Variants in LRRC7 observed in about 807,000 individuals in gnomAD.
LRRC7 encodes leucine-rich repeat-containing protein 7.
A neutral mutation model predicts 175.7 loss-of-function variants in LRRC7; 23 were observed. That is an observed-to-expected ratio of 0.13 (90% CI 0.09 to 0.19). The LOEUF (loss-of-function observed/expected upper bound fraction) is 0.19. Ranked by LOEUF, LRRC7 falls within the 10% of genes least tolerant of loss-of-function variation. The pLI, the probability that LRRC7 is intolerant of heterozygous loss-of-function variation, is 1.00. For missense variants in LRRC7, 1,354 were observed against 1,904.7 expected (o/e 0.71, Z 5.38); for synonymous variants, 685 against 680.9 (o/e 1.01, Z -0.09).
intron 10 of LRRC7, among the ~76,000 whole-genome samples, chr1:69,990,215 TTAAG>T (rs1450711962): frequency 6.6e-6 from 1 of 152,054 alleles, no homozygotes; most frequent in Non-Finnish European, 1.5e-5. Context: ...AGTAATTTAA[TTAAG>T]TAATTTAGTT....
At chr1:69,718,138 G>GAAAGAAAGAAAGAA (rs772161376) in intron 2 of LRRC7, among the ~76,000 whole-genome samples, 2,466 of 40,152 alleles carry the variant, frequency 0.061, 96 homozygotes, top group Middle Eastern at 0.093. Context: ...AAGAAAGAAA[G>GAAAGAAAGAAAGAA]AGAGAGAAAG....
At chr1:69,888,695 C>G (rs984477254) in intron 7 of LRRC7, among the ~76,000 whole-genome samples, 1 of 151,948 alleles carries the variant, frequency 6.6e-6, no homozygotes, top group Non-Finnish European at 1.5e-5. Flanking sequence ...AAAAATACTA[C>G]ATGATCTCAT....
At chr1:69,817,044 A>G (rs962348995) in intron 4 of LRRC7, among the ~76,000 whole-genome samples, 1 of 152,080 alleles carries the variant, frequency 6.6e-6, no homozygotes, top group Admixed American at 6.5e-5. Flanking sequence ...ATATGTGTAG[A>G]TAAGATATAC....
chr1:69,620,740 T>G (rs1650434140), intron 1 of LRRC7, among the ~76,000 whole-genome samples: 1 of 152,252 alleles, frequency 6.6e-6, no homozygotes, highest in Non-Finnish European at 1.5e-5. Context: ...TGTTCTCATC[T>G]TCTCCTATTC....
intron 3 of LRRC7, among the ~76,000 whole-genome samples, chr1:69,762,064 G>A (rs1013004381): frequency 2.6e-5 from 4 of 151,776 alleles, no homozygotes; most frequent in Non-Finnish European, 5.9e-5. Context: ...CCCAAATTTT[G>A]TATGGGATAC....
intron 7 of LRRC7, among the ~76,000 whole-genome samples, chr1:69,851,298 A>G (rs1369309405): frequency 6.6e-6 from 1 of 152,180 alleles, no homozygotes; most frequent in Non-Finnish European, 1.5e-5. Context: ...AATTTCTTCC[A>G]TTTTAACTGC....
chr1:69,576,858 G>A (rs569615697), intron 1 of LRRC7, among the ~76,000 whole-genome samples: 1 of 152,090 alleles, frequency 6.6e-6, no homozygotes, highest in Non-Finnish European at 1.5e-5. Context: ...AATGTCCTAA[G>A]TCTAGGTGTT....
intron 3 of LRRC7, among the ~76,000 whole-genome samples, chr1:69,787,836 A>C (rs941880316): frequency 6.6e-6 from 1 of 152,132 alleles, no homozygotes; most frequent in Non-Finnish European, 1.5e-5. Flanking sequence ...GGTCCCTCCC[A>C]CAATATGTGA....
At chr1:69,993,809 C>T (rs766910013) in intron 10 of LRRC7, among the ~76,000 whole-genome samples, 21 of 152,004 alleles carry the variant, frequency 1.4e-4, no homozygotes, top group Admixed American at 2.6e-4. Flanking sequence ...ACTATTTAAG[C>T]CATATCAATA....
chr1:69,924,769 T>C (rs1016980801), intron 7 of LRRC7, among the ~76,000 whole-genome samples: 4 of 152,232 alleles, frequency 2.6e-5, no homozygotes, highest in Non-Finnish European at 4.4e-5. Flanking sequence ...ACTTCCTCTT[T>C]TCCTAATTGG....
chr1:70,134,667 T>C lies in LRRC7; in HGVS notation c.*12780T>C, dbSNP rs1176252542. 1.3e-5 allele frequency among the ~76,000 whole-genome samples: 2 copies of C among 152,248 alleles called. No individual in the cohort carries two copies. On this transcript the variant is annotated 3_prime_UTR_variant, in exon 27 of 27. Coordinates refer to ENST00000651989, the MANE Select transcript of LRRC7 (RefSeq NM_001370785.2). The stretch of plus-strand genomic sequence containing the variant: ...TTCTAGCCACATGATCACCAGATAC[T>C]AATACAGAATACTCTTTCTTAGCAA...
chr1:69,644,638 C>T (rs1395765893), intron 1 of LRRC7, among the ~76,000 whole-genome samples: 2 of 151,912 alleles, frequency 1.3e-5, no homozygotes, highest in Non-Finnish European at 2.9e-5. Context: ...ATATTAAGCA[C>T]ACACGTTCAA....
chr1:70,014,999 G>T (rs1017588798), intron 13 of LRRC7, among the ~76,000 whole-genome samples: 19 of 151,936 alleles, frequency 1.3e-4, no homozygotes, highest in African/African-American at 4.6e-4. Context: ...CAGCAGAATT[G>T]ACATTCTGCT....
In LRRC7 at chr1:69,805,265, T is replaced by A. The variant is rs548052784; in HGVS notation, c.421+13105T>A. On this transcript the variant is annotated intron_variant, in intron 4 of 26. Coordinates refer to ENST00000651989, the MANE Select transcript of LRRC7 (RefSeq NM_001370785.2). ...TCTACTTGAAGGATAGGAGGCGGAC[T>A]TTTTTTCTCTCAAATAGGCTAGAAA... 2.6e-5 allele frequency among the ~76,000 whole-genome samples: 4 copies of A among 151,772 alleles called. No individual in the cohort carries two copies. In the South Asian group the frequency reaches 6.2e-4, roughly 24 times the overall value.
chr1:69,672,745 C>T (rs1422691493), intron 1 of LRRC7, among the ~76,000 whole-genome samples: 1 of 152,140 alleles, frequency 6.6e-6, no homozygotes. Flanking sequence ...ATTCACTAGC[C>T]ACACTGCCAT....
intron 2 of LRRC7, among the ~76,000 whole-genome samples, chr1:69,691,797 C>CAAAAAAAAAAAAAAAAAAA (rs57676937): frequency 2.3e-5 from 2 of 85,214 alleles, no homozygotes; most frequent in Non-Finnish European, 4.2e-5. Flanking sequence ...GACCCTGTCT[C>CAAAAAAAAAAAAAAAAAAA]AAAAAAAAAA....
chr1:69,623,423 C>T (rs1650955816), intron 1 of LRRC7, among the ~76,000 whole-genome samples: 1 of 150,668 alleles, frequency 6.6e-6, no homozygotes, highest in Admixed American at 6.6e-5. Context: ...AGATACATAG[C>T]TCTGCTATGA....
At chr1:70,035,003 CAACCGA>C (rs1247779503) in intron 18 of LRRC7, among the ~76,000 whole-genome samples, 1 of 152,032 alleles carries the variant, frequency 6.6e-6, no homozygotes. Context: ...TTCATTATAC[CAACCGA>C]TTAGTTTTAA....
At chr1:69,768,996 CA>C (rs1671932329) in intron 3 of LRRC7, among the ~76,000 whole-genome samples, 1 of 152,090 alleles carries the variant, frequency 6.6e-6, no homozygotes, top group South Asian at 2.1e-4. Flanking sequence ...AAATTCTTTC[CA>C]AACAATATTT....
Sources: gnomAD v4.1 joint callset for allele counts (sites outside exome capture counted in the v4.1 genomes callset) on GRCh38, gnomAD v4.1.1 for gene constraint, MANE v1.5 for transcripts, NCBI Gene and HGNC (gene_info 2026-07-23, HGNC 2026-07-21) for gene names.